Variants in CLVS1 observed in about 807,000 individuals in gnomAD.
The protein encoded by CLVS1 is clavesin 1.
Under a neutral mutation model 33.1 loss-of-function variants are expected in CLVS1, and 10 were observed. That is an observed-to-expected ratio of 0.30 (90% CI 0.19 to 0.51). CLVS1 has a LOEUF of 0.51. Ranked by LOEUF, CLVS1 falls within the 20% of genes least tolerant of loss-of-function variation. The probability of loss-of-function intolerance (pLI) is 0.97; values close to 1 mark genes in which losing one functional copy is unlikely to be tolerated. For missense variants in CLVS1, 343 were observed against 433.4 expected (o/e 0.79, Z 1.85); for synonymous variants, 163 against 166.1 (o/e 0.98, Z 0.14).
chr8:60,982,748 A>G, the CLVS1 span, among the ~76,000 whole-genome samples: 2 of 152,356 alleles, frequency 1.3e-5, no homozygotes, highest in African/African-American at 4.8e-5. Flanking sequence ...TGTCTGGGAC[A>G]GATATTACCC....
At chr8:61,036,264 A>G in the CLVS1 span, among the ~76,000 whole-genome samples, 1 of 152,234 alleles carries the variant, frequency 6.6e-6, no homozygotes, top group Non-Finnish European at 1.5e-5. Context: ...CAAAAATGGG[A>G]TTCGAGAACA....
the CLVS1 span, among the ~76,000 whole-genome samples, chr8:61,050,369 A>G: frequency 9.2e-5 from 14 of 152,202 alleles, no homozygotes; most frequent in Middle Eastern, 3.2e-3. Context: ...TTGTCCCCCA[A>G]TCTACGAGGA....
At chr8:61,118,300 T>C (rs142703802) in intron 1 of CLVS1, among the ~76,000 whole-genome samples, 1,883 of 152,280 alleles carry the variant, frequency 0.012, 41 homozygotes, top group African/African-American at 0.039. Flanking sequence ...TCTATCAGTT[T>C]TGTTGATCCT....
chr8:61,168,553 T>G (rs77955693), intron 2 of CLVS1, among the ~76,000 whole-genome samples: 2,613 of 152,348 alleles, frequency 0.017, 76 homozygotes, highest in African/African-American at 0.06. Context: ...TTCATTGTTT[T>G]TGAGATTTTA....
chr8:61,232,528 A>G (rs1020988976), intron 2 of CLVS1, among the ~76,000 whole-genome samples: 7 of 152,190 alleles, frequency 4.6e-5, no homozygotes, highest in African/African-American at 1.4e-4. Context: ...TCTCCAAACT[A>G]GTTTCCTTCC....
chr8:61,493,878 C>A (rs1804182152), intron 5 of CLVS1, among the ~76,000 whole-genome samples: 1 of 152,118 alleles, frequency 6.6e-6, no homozygotes. Context: ...TTGACTGAAT[C>A]ACTCCTGAGG....
At chr8:61,499,395 T>G (rs1804465605) in intron 5 of CLVS1, 60 bp from the exon 6 acceptor site, 1 of 1,223,070 alleles carries the variant, frequency 8.2e-7, no homozygotes, top group Admixed American at 1.7e-5. Context: ...TCTTCAAAGG[T>G]TCCAAAATTG....
At chr8:61,035,925 C>T in the CLVS1 span, among the ~76,000 whole-genome samples, 4 of 152,132 alleles carry the variant, frequency 2.6e-5, no homozygotes, top group African/African-American at 7.2e-5. Flanking sequence ...GACACTTTTG[C>T]GTGCACCTGA....
intron 2 of CLVS1, among the ~76,000 whole-genome samples, chr8:61,248,495 A>T (rs1041217399): frequency 2.0e-5 from 3 of 151,898 alleles, no homozygotes; most frequent in Middle Eastern, 3.4e-3. Context: ...CATTGTAGAG[A>T]TCTTTCACTT....
chr8:61,474,113 G>A (rs1412489858), intron 5 of CLVS1, among the ~76,000 whole-genome samples: 4 of 152,186 alleles, frequency 2.6e-5, no homozygotes, highest in Non-Finnish European at 4.4e-5. Context: ...TTTGAGCTGA[G>A]AGGAAGTTCA....
chr8:61,247,078 C>G (rs1808828003), intron 2 of CLVS1, among the ~76,000 whole-genome samples: 1 of 152,108 alleles, frequency 6.6e-6, no homozygotes. Flanking sequence ...GTGTTCCTGC[C>G]TTAGTGTGCT....
intron 5 of CLVS1, among the ~76,000 whole-genome samples, chr8:61,491,008 A>G (rs1175662990): frequency 2.0e-5 from 3 of 152,046 alleles, no homozygotes; most frequent in Admixed American, 6.6e-5. Flanking sequence ...ATTTTGACTC[A>G]TGAAGCCTAA....
intron 1 of CLVS1, among the ~76,000 whole-genome samples, chr8:61,108,042 C>T (rs1805568284): frequency 6.6e-6 from 1 of 151,790 alleles, no homozygotes; most frequent in South Asian, 2.1e-4. Flanking sequence ...TCGAGGTGGG[C>T]AGGTCATTTG....
the CLVS1 span, among the ~76,000 whole-genome samples, chr8:61,028,533 C>G: frequency 4.8e-4 from 73 of 152,290 alleles, no homozygotes; most frequent in African/African-American, 1.7e-3. Flanking sequence ...GCCCTGGCCA[C>G]TGCTGAGGTG....
intron 1 of CLVS1, among the ~76,000 whole-genome samples, chr8:61,071,423 C>A (rs62524477): frequency 1.6e-3 from 240 of 152,278 alleles, no homozygotes; most frequent in Non-Finnish European, 2.6e-3. Flanking sequence ...ATCACGTTAA[C>A]CTCTTGCTTC....
At chr8:61,166,515 AT>A (rs1312648246) in intron 2 of CLVS1, among the ~76,000 whole-genome samples, 2 of 148,780 alleles carry the variant, frequency 1.3e-5, no homozygotes, top group Non-Finnish European at 3.0e-5. Context: ...AAAATTTTAA[AT>A]TTCTGTTTAT....
rs114556881 is a variant in CLVS1 at position 61,265,025 on chromosome 8, T to C, written c.-151-34652T>C. Among the ~76,000 whole-genome samples the C allele has an allele frequency of 7.6e-3, 1,158 of 152,306 alleles. 14 individuals are homozygous for C. Among genetic ancestry groups the C allele is most frequent in the African/African-American group, 0.026 (1,080 of 41,562 alleles). ...TGCCTGGAGTTTCCCTTGAAGGAAC[T>C]CAAGATTTTCCTTTATTTCCATGCT... is the stretch of plus-strand genomic sequence containing the variant. On this transcript the variant is annotated intron_variant, in intron 2 of 2. Transcript: ENST00000522621.
intron 2 of CLVS1, among the ~76,000 whole-genome samples, chr8:61,189,167 T>A (rs1016848868): frequency 6.6e-6 from 1 of 152,068 alleles, no homozygotes; most frequent in African/African-American, 2.4e-5. Context: ...AGACTAACAG[T>A]GGATCACTTG....
At chr8:61,288,160 C>A in intron 1 of CLVS1, 22 bp downstream of exon 1, 1 of 456,220 alleles carries the variant, frequency 2.2e-6, no homozygotes, top group South Asian at 1.5e-5. Context: ...CTTTTTTCTC[C>A]CCTCTGTATT....
Sources: allele counts gnomAD v4.1 joint callset (sites outside exome capture counted in the v4.1 genomes callset), GRCh38; gene constraint gnomAD v4.1.1; transcripts MANE v1.5; gene names NCBI Gene and HGNC (gene_info 2026-07-23, HGNC 2026-07-21).